Variants in ZFPM1 observed in about 807,000 individuals in gnomAD.
ZFPM1 encodes zinc finger protein ZFPM1.
Under a neutral mutation model 46.3 loss-of-function variants are expected in ZFPM1, and 28 were observed. That is an observed-to-expected ratio of 0.60 (90% CI 0.45 to 0.83). ZFPM1 has a LOEUF of 0.83. Ranked by LOEUF, ZFPM1 falls within the 40% of genes least tolerant of loss-of-function variation. ZFPM1 has a pLI of 0.00. For missense variants in ZFPM1, 1,878 were observed against 1,432.4 expected (o/e 1.31, Z -5.02); for synonymous variants, 957 against 675.9 (o/e 1.42, Z -6.45).
At chr16:88,484,130 G>T (rs962978551) in intron 1 of ZFPM1, among the ~76,000 whole-genome samples, 11 of 152,230 alleles carry the variant, frequency 7.2e-5, no homozygotes, top group Admixed American at 6.5e-5. Context: ...GATCATGAGG[G>T]GCTGTGAAGG....
chr16:88,503,745 G>A (rs953619159), intron 3 of ZFPM1, among the ~76,000 whole-genome samples: 1 of 152,282 alleles, frequency 6.6e-6, no homozygotes, highest in East Asian at 1.9e-4. Flanking sequence ...TTCTGCCTCC[G>A]GGACTCACAT....
intron 1 of ZFPM1, among the ~76,000 whole-genome samples, chr16:88,459,471 G>T (rs1184277899): frequency 6.6e-6 from 1 of 152,070 alleles, no homozygotes; most frequent in Non-Finnish European, 1.5e-5. Flanking sequence ...TGTAAGAATG[G>T]AAGGAAAATA....
intron 1 of ZFPM1, among the ~76,000 whole-genome samples, chr16:88,473,047 G>C (rs376094797): frequency 3.3e-5 from 5 of 152,268 alleles, no homozygotes; most frequent in Admixed American, 6.5e-5. Flanking sequence ...CGGCGCTGCC[G>C]TCCCCCGTGG....
chr16:88,485,586 T>A (rs1303907969), intron 1 of ZFPM1, among the ~76,000 whole-genome samples: 1 of 151,928 alleles, frequency 6.6e-6, no homozygotes, highest in Admixed American at 6.6e-5. Context: ...ACTACAGGTG[T>A]GCGCCACCAC....
intron 1 of ZFPM1, among the ~76,000 whole-genome samples, chr16:88,459,064 C>G (rs1198479302): frequency 1.3e-5 from 2 of 152,222 alleles, no homozygotes; most frequent in African/African-American, 4.8e-5. Flanking sequence ...CTCGTTAGGG[C>G]CTGTGTGCAA....
At chr16:88,481,582 C>T (rs1338502490) in intron 1 of ZFPM1, among the ~76,000 whole-genome samples, 1 of 152,042 alleles carries the variant, frequency 6.6e-6, no homozygotes, top group Non-Finnish European at 1.5e-5. Flanking sequence ...CGATGGCTGC[C>T]CCCAAGGTCC....
In ZFPM1 at chr16:88,534,961, C is replaced by T. The variant is rs757692077; in HGVS notation, c.3003C>T (p.Ala1001=). Residue 1001 remains alanine (A), a synonymous_variant, in exon 10 of 10, where the codon GCC becomes GCT. Transcript: ENST00000319555. ...AGAAGTATTACTGCTCCTCGCACGC[C>T]GCCGAGCACGTGAAGTGAGCGCCCA... ...AHKKYYCSSH[A]AEHVK is the part of the protein sequence containing the mutation. 2.0e-6 allele frequency: 3 copies of T among 1,476,362 alleles called. No individual in the cohort carries two copies. Among genetic ancestry groups the T allele is most frequent in the South Asian group, 1.3e-5 (1 of 77,572 alleles). 91.5% of individuals were successfully genotyped at this position (1,476,362 alleles called of 1,614,324 possible).
intron 3 of ZFPM1, among the ~76,000 whole-genome samples, chr16:88,505,451 G>A (rs1910595783): frequency 6.6e-6 from 1 of 152,194 alleles, no homozygotes; most frequent in South Asian, 2.1e-4. Flanking sequence ...CTGAGGGGCT[G>A]ACAGTCCAGC....
In ZFPM1 at chr16:88,453,511, C is replaced by A. The variant is rs981161407; in HGVS notation, c.-128C>A. ...TGGGCGCGCGGGCTGGGGGCGCGGG[C>A]CGGGGCGGCCGCGGAGACCGGGGGC... On this transcript the variant is annotated 5_prime_UTR_variant, in exon 1 of 10. Coordinates refer to ENST00000319555, the MANE Select transcript of ZFPM1 (RefSeq NM_153813.3). The A allele has an allele frequency of 5.9e-6, 2 of 339,768 alleles. No individual in the cohort carries two copies. Among genetic ancestry groups the A allele is most frequent in the African/African-American group, 2.3e-5 (1 of 44,216 alleles). 21.0% of individuals were successfully genotyped at this position (339,768 alleles called of 1,614,324 possible).
At chr16:88,488,005 C>A (rs1909330005) in intron 2 of ZFPM1, among the ~76,000 whole-genome samples, 1 of 152,252 alleles carries the variant, frequency 6.6e-6, no homozygotes, top group African/African-American at 2.4e-5. Flanking sequence ...CTGGCCAGTC[C>A]CGGGGCCGGG....
intron 2 of ZFPM1, 37 bp from the exon 3 acceptor site, chr16:88,488,994 A>G: frequency 1.3e-6 from 2 of 1,596,118 alleles, no homozygotes; most frequent in Non-Finnish European, 1.7e-6. Context: ...AGTGCCCGGC[A>G]CTCAGCAGGG....
intron 1 of ZFPM1, among the ~76,000 whole-genome samples, chr16:88,461,135 AGACCTGGTGAGGACCGAGG>A (rs1907843961): frequency 1.3e-5 from 1 of 78,594 alleles, no homozygotes; most frequent in African/African-American, 7.6e-5. Flanking sequence ...ATGGGGCGGG[AGACCTGGTGAGGACCGAGG>A]GGCGGGAGAC....
chr16:88,510,386 G>T (rs3965782), intron 3 of ZFPM1, among the ~76,000 whole-genome samples: 1 of 152,150 alleles, frequency 6.6e-6, no homozygotes, highest in Non-Finnish European at 1.5e-5. Context: ...CCTGGTCCTC[G>T]GTCCCCCACT....
intron 1 of ZFPM1, among the ~76,000 whole-genome samples, chr16:88,479,846 T>G (rs938168637): frequency 5.9e-5 from 2 of 33,722 alleles, no homozygotes; most frequent in South Asian, 1.3e-3. Flanking sequence ...CCCCTCCCCG[T>G]CCCTCCCTCC....
At position 88,526,802 on chromosome 16, in the gene ZFPM1, C is replaced by CCCCCCCCCCGG; in HGVS notation, c.403-12_403-11insCCCCCCCCCGG. Reference sequence around the variant, plus strand: ...GGACCCCTCCCCACGTGTTCCTACCCTCCCCCCCCAGAGCCCAGCCCTGAC... The same window carrying CCCCCCCCCCGG: ...GGACCCCTCCCCACGTGTTCCTACCCCCCCCCCCCGGTCCCCCCCCAGAGCCCAGCCCTGAC... On this transcript the variant is annotated splice_polypyrimidine_tract_variant and intron_variant, in intron 4 of 9. Transcript: ENST00000319555. The CCCCCCCCCCGG allele has an allele frequency of 7.2e-7, 1 of 1,395,430 alleles. No individual in the cohort carries two copies. The highest frequency in any genetic ancestry group is 9.6e-7 in the Non-Finnish European group (1 of 1,045,608). 86.4% of individuals were successfully genotyped at this position (1,395,430 alleles called of 1,614,324 possible). A position where few individuals can be genotyped will look rare whatever the true frequency, so the allele number is the denominator to read the frequency against.
intron 3 of ZFPM1, among the ~76,000 whole-genome samples, chr16:88,512,254 C>A (rs1025267750): frequency 1.3e-5 from 2 of 152,124 alleles, no homozygotes; most frequent in Non-Finnish European, 2.9e-5. Flanking sequence ...GGGCAGGGGA[C>A]AAGTGAGAGC....
At chr16:88,481,353 C>T (rs1431473477) in intron 1 of ZFPM1, among the ~76,000 whole-genome samples, 3 of 152,142 alleles carry the variant, frequency 2.0e-5, no homozygotes, top group African/African-American at 2.4e-5. Context: ...CCGTGTCTGG[C>T]TCGGGGAAGG....
In ZFPM1 at chr16:88,533,936, G is replaced by A; in HGVS notation, c.1978G>A (p.Gly660Ser). ...GAATPEDGAG[G>S]RGSEGSQSPG... ...GGCCACGCCCGAGGACGGCGCGGGC[G>A]GCCGGGGCAGCGAGGGCAGCCAGAG... The change falls in exon 10 of 10, where the codon GGC becomes AGC. Residue 660 changes from glycine (G) to serine (S), a missense_variant. Gly to Ser is a moderately conservative substitution (Grantham distance 56). Transcript: ENST00000319555. The A allele has an allele frequency of 2.4e-6, 3 of 1,260,550 alleles. No individual in the cohort carries two copies. The highest frequency in any genetic ancestry group is 3.1e-6 in the Non-Finnish European group (3 of 982,938). 78.1% of individuals were successfully genotyped at this position (1,260,550 alleles called of 1,614,324 possible).
rs564224686 is a variant in ZFPM1, at chr16:88,497,635, G to C, written c.268+8482G>C. Among the ~76,000 whole-genome samples, 3 of 152,270 alleles carry C rather than the reference G, an allele frequency of 2.0e-5. No homozygotes were observed. Among genetic ancestry groups the C allele is most frequent in the East Asian group, 3.9e-4 (2 of 5,160 alleles). On this transcript the variant is annotated intron_variant, in intron 3 of 9. Coordinates refer to ENST00000319555, the MANE Select transcript of ZFPM1 (RefSeq NM_153813.3). This position sits in a 1 kb window ranked among gnomAD's most constrained non-coding sequence, Gnocchi z 5.4. ...AAATGGGTACCCTGAAGGGTTTTGT[G>C]GGGGGTGTTCGTGCCGTGAGCGATC...
Sources: gnomAD v4.1 joint callset for allele counts (sites outside exome capture counted in the v4.1 genomes callset) on GRCh38, gnomAD v4.1.1 for gene constraint, Gnocchi (gnomAD v3.1) non-coding constraint, MANE v1.5 for transcripts, NCBI Gene and HGNC (gene_info 2026-07-23, HGNC 2026-07-21) for gene names.